Variants in NRXN3 observed in about 807,000 individuals in gnomAD.
NRXN3 encodes the protein neurexin 3, also known as neurexin III.
NRXN3 carries 32 observed loss-of-function variants against 137.6 expected under a neutral mutation model. The observed-to-expected ratio is 0.23, with a 90% CI of 0.18 to 0.31. NRXN3 has a LOEUF of 0.31. NRXN3 is among the 10% of genes least tolerant of loss of function. The probability of loss-of-function intolerance (pLI) is 1.00; values close to 1 mark genes in which losing one functional copy is unlikely to be tolerated. For missense variants in NRXN3, 1,574 were observed against 2,062.5 expected, an observed-to-expected ratio of 0.76 and a Z score of 4.59; for synonymous variants, 798 against 784.5, an observed-to-expected ratio of 1.02 and a Z score of -0.29.
intron 4 of NRXN3, among the ~76,000 whole-genome samples, chr14:78,493,653 A>G (rs1264657104): frequency 6.6e-6 from 1 of 152,136 alleles, no homozygotes; most frequent in Admixed American, 6.5e-5. Flanking sequence ...TCCTGCTGGT[A>G]TTTAATGGAT....
intron 4 of NRXN3, among the ~76,000 whole-genome samples, chr14:78,535,215 A>G: frequency 6.6e-6 from 1 of 151,470 alleles, no homozygotes; most frequent in Non-Finnish European, 1.5e-5. Flanking sequence ...TCTGCCAAAT[A>G]TGAAGATATC....
At chr14:79,112,648 A>T (rs1809987890) in intron 15 of NRXN3, among the ~76,000 whole-genome samples, 1 of 152,238 alleles carries the variant, frequency 6.6e-6, no homozygotes, top group Non-Finnish European at 1.5e-5. Flanking sequence ...GATTTTACAA[A>T]ATTTAAACAA....
At chr14:78,699,391 A>C (rs1271421620) in intron 6 of NRXN3, among the ~76,000 whole-genome samples, 1 of 152,216 alleles carries the variant, frequency 6.6e-6, no homozygotes, top group African/African-American at 2.4e-5. Context: ...CTAGATCAGG[A>C]AGAGGTTTTT....
intron 16 of NRXN3, among the ~76,000 whole-genome samples, chr14:79,636,486 A>T (rs560871608): frequency 1.0e-3 from 153 of 152,284 alleles, no homozygotes; most frequent in African/African-American, 3.5e-3. Context: ...TTTGTGTCAC[A>T]TAGAGTGTTT....
intron 19 of NRXN3, among the ~76,000 whole-genome samples, chr14:79,732,948 T>G (rs1006882513): frequency 2.6e-5 from 4 of 152,162 alleles, no homozygotes; most frequent in African/African-American, 9.7e-5. Flanking sequence ...ATGTTCAGAT[T>G]TATATTTTGA....
At chr14:79,352,551 T>G (rs1041472674) in intron 15 of NRXN3, among the ~76,000 whole-genome samples, 36 of 152,126 alleles carry the variant, frequency 2.4e-4, no homozygotes, top group African/African-American at 8.7e-4. Flanking sequence ...AAGCTCATGT[T>G]AAAAGAATTC....
At chr14:78,946,822 G>C (rs1272526246) in intron 10 of NRXN3, among the ~76,000 whole-genome samples, 1 of 152,116 alleles carries the variant, frequency 6.6e-6, no homozygotes, top group African/African-American at 2.4e-5. Context: ...GCTGTATTAA[G>C]AGCCAGCTGC....
chr14:79,685,178 C>T (rs1419224122), intron 17 of NRXN3, among the ~76,000 whole-genome samples: 1 of 152,098 alleles, frequency 6.6e-6, no homozygotes, highest in Non-Finnish European at 1.5e-5. Context: ...TATAACAAAT[C>T]ATATATTGAG....
intron 16 of NRXN3, among the ~76,000 whole-genome samples, chr14:79,583,034 ATT>A (rs2097731616): frequency 6.6e-6 from 1 of 152,216 alleles, no homozygotes; most frequent in Admixed American, 6.5e-5. Flanking sequence ...TTGCCTCTTC[ATT>A]ATATTTTACT....
In NRXN3 at chr14:78,448,042, T is replaced by C. The variant is rs575024647; in HGVS notation, c.757+150182T>C. Reference sequence around the variant, plus strand: ...CTTTTTACTGGGTGTATCTTCTTCATCTCTTCTTTTAAAAATCTCACTCCT... The same window carrying C: ...CTTTTTACTGGGTGTATCTTCTTCACCTCTTCTTTTAAAAATCTCACTCCT... On this transcript the variant is annotated intron_variant, in intron 4 of 20. Coordinates refer to ENST00000335750, the MANE Select transcript of NRXN3 (RefSeq NM_001330195.2). 3.3e-5 allele frequency among the ~76,000 whole-genome samples: 5 copies of C among 152,300 alleles called. No individual in the cohort carries two copies. The East Asian group carries it at 9.7e-4, about 29-fold the overall frequency.
rs866035092 is a variant in NRXN3 at position 79,034,723 on chromosome 14, A to G, written c.3262+46582A>G. ...ATTTTTCTGTGGGGTTTAAGAGTAC[A>G]TTTTGATAACTGAGAGTTTAAAACA... On this transcript the variant is annotated intron_variant, in intron 15 of 20. Coordinates refer to ENST00000335750, the MANE Select transcript of NRXN3 (RefSeq NM_001330195.2). 2.0e-5 allele frequency among the ~76,000 whole-genome samples: 3 copies of G among 152,096 alleles called. No homozygotes were observed. The South Asian group carries it at 6.2e-4, about 32-fold the overall frequency.
intron 20 of NRXN3, among the ~76,000 whole-genome samples, chr14:79,818,003 G>A (rs1160319956): frequency 6.7e-6 from 1 of 150,210 alleles, no homozygotes; most frequent in Non-Finnish European, 1.5e-5. Context: ...TATGTGAGGT[G>A]AGTCTCCCTT....
At chr14:79,512,774 A>T (rs983398881) in intron 16 of NRXN3, among the ~76,000 whole-genome samples, 8 of 152,182 alleles carry the variant, frequency 5.3e-5, no homozygotes, top group Non-Finnish European at 1.0e-4. Context: ...TACCACCATT[A>T]TACCTCCATT....
intron 14 of NRXN3, 145 bp downstream of exon 14, chr14:78,968,491 C>T: frequency 6.1e-6 from 4 of 659,046 alleles, no homozygotes; most frequent in Non-Finnish European, 1.0e-5. Flanking sequence ...CATCAGTGTT[C>T]TCTTGTCACT....
chr14:79,318,760 G>A (rs965321943), intron 15 of NRXN3, among the ~76,000 whole-genome samples: 2 of 151,998 alleles, frequency 1.3e-5, no homozygotes, highest in African/African-American at 2.4e-5. Context: ...GGGCATTATC[G>A]GATTTCTATC....
At chr14:79,694,586 A>G (rs2098728222) in intron 18 of NRXN3, among the ~76,000 whole-genome samples, 1 of 151,986 alleles carries the variant, frequency 6.6e-6, no homozygotes, top group Non-Finnish European at 1.5e-5. Context: ...ATCATAAGCC[A>G]TGAGTGAAAA....
Position 78,291,813 on chromosome 14 carries a change from T to C in NRXN3, c.728-6018T>C, listed in dbSNP as rs533406412. On this transcript the variant is annotated intron_variant, in intron 3 of 20. Coordinates refer to ENST00000335750, the MANE Select transcript of NRXN3 (RefSeq NM_001330195.2). Reference sequence around the variant, plus strand: ...TCTACTTCGCTATGAAAAAAAGAGATGATATATGTGGATTTTTCACTGAGA... The same window carrying C: ...TCTACTTCGCTATGAAAAAAAGAGACGATATATGTGGATTTTTCACTGAGA... Among the ~76,000 whole-genome samples the C allele has an allele frequency of 2.0e-5, 3 of 152,312 alleles. 1 individual carries two copies. Among genetic ancestry groups the C allele is most frequent in the Non-Finnish European group, 4.4e-5 (3 of 68,018 alleles).
chr14:78,434,934 A>C (rs901953671), intron 4 of NRXN3, among the ~76,000 whole-genome samples: 5 of 152,232 alleles, frequency 3.3e-5, no homozygotes, highest in Admixed American at 3.3e-4. Flanking sequence ...TGAGCTTGCT[A>C]GTTGTCTAGA....
chr14:79,862,056 C>A lies in NRXN3; in HGVS notation c.*92C>A. On this transcript the variant is annotated 3_prime_UTR_variant, in exon 21 of 21. Coordinates refer to ENST00000335750, the MANE Select transcript of NRXN3 (RefSeq NM_001330195.2). ...CGGTGAGATCTCACAGATGTCAGAACTGCTGGAACTATGAAATGGGGTATA... is the reference window on the plus strand; with the variant it reads ...CGGTGAGATCTCACAGATGTCAGAAATGCTGGAACTATGAAATGGGGTATA... 9.1e-7 allele frequency: 1 copy of A among 1,104,844 alleles called. No homozygotes were observed. Among genetic ancestry groups the A allele is most frequent in the Non-Finnish European group, 1.3e-6 (1 of 774,470 alleles). The allele number at this position is 1,104,844 out of a possible 1,614,324, so 68.4% of individuals were successfully genotyped here.
Sources: allele counts gnomAD v4.1 joint callset (sites outside exome capture counted in the v4.1 genomes callset), GRCh38; gene constraint gnomAD v4.1.1; transcripts MANE v1.5; gene names NCBI Gene and HGNC (gene_info 2026-07-23, HGNC 2026-07-21).